FAM78B: variants seen among roughly 807,000 people sequenced by gnomAD.
FAM78B encodes family with sequence similarity 78 member B, also known as protein FAM78B.
Under a neutral mutation model 20.0 loss-of-function variants are expected in FAM78B, and 10 were observed. That is an observed-to-expected ratio of 0.50 (90% CI 0.31 to 0.85). The LOEUF is 0.85. Among genes scored for constraint, FAM78B ranks in the 40% least tolerant of loss-of-function variants. The pLI, the probability that FAM78B is intolerant of heterozygous loss-of-function variation, is 0.05. For synonymous variants in FAM78B, 135 were observed against 132.8 expected (o/e 1.02, Z -0.12); for missense variants, 283 against 345.0 (o/e 0.82, Z 1.42).
intron 1 of FAM78B, among the ~76,000 whole-genome samples, chr1:166,073,043 A>G (rs1223002960): frequency 6.6e-6 from 1 of 152,202 alleles, no homozygotes; most frequent in African/African-American, 2.4e-5. Flanking sequence ...TTTGAAAAAC[A>G]ACAACAACAA....
intron 1 of FAM78B, among the ~76,000 whole-genome samples, chr1:166,090,968 T>C (rs1653042063): frequency 6.6e-6 from 1 of 151,912 alleles, no homozygotes; most frequent in Non-Finnish European, 1.5e-5. Context: ...CATTTTAAAG[T>C]TGGGGTGGGG....
chr1:166,075,383 T>C (rs1652226678), intron 1 of FAM78B, among the ~76,000 whole-genome samples: 2 of 151,990 alleles, frequency 1.3e-5, no homozygotes, highest in Admixed American at 6.6e-5. Flanking sequence ...AAAGAATAAA[T>C]AAACAAAAAG....
chr1:166,106,770 G>T (rs1480949004), intron 1 of FAM78B, among the ~76,000 whole-genome samples: 1 of 152,008 alleles, frequency 6.6e-6, no homozygotes, highest in East Asian at 1.9e-4. Context: ...TAACAATTGG[G>T]TATTATGCTC....
chr1:166,141,626 C>T (rs1354801075), intron 1 of FAM78B, among the ~76,000 whole-genome samples: 1 of 152,132 alleles, frequency 6.6e-6, no homozygotes, highest in Non-Finnish European at 1.5e-5. Context: ...ATGTTCATAC[C>T]CATTTTACAG....
At chr1:166,136,903 A>C (rs1309951990) in intron 1 of FAM78B, among the ~76,000 whole-genome samples, 1 of 152,206 alleles carries the variant, frequency 6.6e-6, no homozygotes, top group East Asian at 1.9e-4. Context: ...CACAGTTGTC[A>C]AGCACTGACG....
intron 1 of FAM78B, among the ~76,000 whole-genome samples, chr1:166,121,928 A>G (rs1571182366): frequency 1.3e-5 from 2 of 152,142 alleles, no homozygotes; most frequent in East Asian, 3.9e-4. Flanking sequence ...GCAGCCTCCC[A>G]CAGCTCAGCC....
intron 1 of FAM78B, among the ~76,000 whole-genome samples, chr1:166,149,502 T>C (rs933530238): frequency 6.6e-6 from 1 of 152,110 alleles, no homozygotes; most frequent in African/African-American, 2.4e-5. Context: ...TTAAAGGGAG[T>C]AATCAATTTG....
intron 1 of FAM78B, among the ~76,000 whole-genome samples, chr1:166,108,077 C>G (rs1181971394): frequency 6.6e-6 from 1 of 152,074 alleles, no homozygotes; most frequent in Non-Finnish European, 1.5e-5. Context: ...CCTCTGAGAA[C>G]TGGAACAAGA....
At position 166,077,914 on chromosome 1, in the gene FAM78B, ATATATATAATAAATATATAATAAT is replaced by A. The variant is rs1652380685; in HGVS notation, c.264-7175_264-7152del. Among the ~76,000 whole-genome samples the A allele has an allele frequency of 2.5e-3, 3 of 1,216 alleles. 1 individual carries two copies. The highest frequency in any genetic ancestry group is 6.3e-3 in the African/African-American group (3 of 474). The allele number at this position is 1,216 out of a possible 152,430, so 0.8% of individuals were successfully genotyped here. ...ATATATATAATTTATATATATAATT[ATATATATAATAAATATATAATAAT>A]ATATATAATTTATATATATAATTAT... On this transcript the variant is annotated intron_variant, in intron 1 of 1. Coordinates refer to ENST00000354422, the MANE Select transcript of FAM78B (RefSeq NM_001017961.5).
intron 1 of FAM78B, among the ~76,000 whole-genome samples, chr1:166,130,842 C>A (rs1654846081): frequency 6.6e-6 from 1 of 152,166 alleles, no homozygotes. Context: ...GTGTGTACAT[C>A]TGCACAGCCA....
At chr1:166,074,830 A>C (rs1430650300) in intron 1 of FAM78B, among the ~76,000 whole-genome samples, 2 of 152,240 alleles carry the variant, frequency 1.3e-5, no homozygotes, top group African/African-American at 4.8e-5. Context: ...ATATACCTAC[A>C]TACAAAAATG....
At chr1:166,127,506 C>T (rs971072645) in intron 1 of FAM78B, among the ~76,000 whole-genome samples, 1 of 152,198 alleles carries the variant, frequency 6.6e-6, no homozygotes, top group African/African-American at 2.4e-5. Flanking sequence ...CCTTGAGACT[C>T]TGCAGTCCCT....
At chr1:166,101,565 G>A (rs953648000) in intron 1 of FAM78B, among the ~76,000 whole-genome samples, 25 of 152,314 alleles carry the variant, frequency 1.6e-4, no homozygotes, top group Middle Eastern at 3.4e-3. Flanking sequence ...TGACGAATGC[G>A]CAAGCTTCAG....
exon 3 of FAM78B, chr1:166,060,253 C>G (rs1011256272): frequency 4.7e-6 from 1 of 214,542 alleles, no homozygotes; most frequent in Non-Finnish European, 9.5e-6. Context: ...GTTTGGGAAC[C>G]AAGGCTGGGC....
At chr1:166,060,466 C>T in exon 3 of FAM78B, 1 of 562,852 alleles carries the variant, frequency 1.8e-6, no homozygotes, top group South Asian at 1.6e-5. Context: ...TGCCACATGG[C>T]TCGTGGAGGG....
At chr1:166,154,287 G>C (rs182346609) in intron 1 of FAM78B, among the ~76,000 whole-genome samples, 7 of 152,240 alleles carry the variant, frequency 4.6e-5, no homozygotes, top group African/African-American at 1.7e-4. Context: ...GGTAAGGGGG[G>C]TATTGAGGGG....
At chr1:166,143,572 T>C (rs1365348495) in intron 1 of FAM78B, among the ~76,000 whole-genome samples, 1 of 152,072 alleles carries the variant, frequency 6.6e-6, no homozygotes, top group Non-Finnish European at 1.5e-5. Context: ...AGGGTGATAT[T>C]ATCAGCTTTC....
chr1:166,150,435 T>G (rs1249564040), intron 1 of FAM78B, among the ~76,000 whole-genome samples: 2 of 152,164 alleles, frequency 1.3e-5, no homozygotes, highest in Non-Finnish European at 2.9e-5. Flanking sequence ...ATATAGTAAG[T>G]AAATCATAAT....
At chr1:166,112,448 G>C (rs1182371606) in intron 1 of FAM78B, among the ~76,000 whole-genome samples, 1 of 152,090 alleles carries the variant, frequency 6.6e-6, no homozygotes, top group Admixed American at 6.6e-5. Context: ...AGTTTGAAAG[G>C]GCACCTTCCC....
Sources: allele counts gnomAD v4.1 joint callset (sites outside exome capture counted in the v4.1 genomes callset), GRCh38; gene constraint gnomAD v4.1.1; transcripts MANE v1.5; gene names NCBI Gene and HGNC (gene_info 2026-07-23, HGNC 2026-07-21).